MAP4: variants seen among roughly 807,000 people sequenced by gnomAD.
MAP4 encodes the protein microtubule-associated protein 4.
A neutral mutation model predicts 170.2 loss-of-function variants in MAP4; 76 were observed. The ratio of observed to expected loss-of-function variants is 0.45; its 90% CI spans 0.37 to 0.54. MAP4 has a LOEUF of 0.54. MAP4 is among the 20% of genes least tolerant of loss of function. The pLI is 0.00. For missense variants in MAP4, 2,506 were observed against 2,748.0 expected, an observed-to-expected ratio of 0.91 and a Z score of 1.97; for synonymous variants, 909 against 994.5, an observed-to-expected ratio of 0.91 and a Z score of 1.62.
intron 8 of MAP4, among the ~76,000 whole-genome samples, chr3:47,914,412 T>C (rs2100037485): frequency 6.6e-6 from 1 of 151,838 alleles, no homozygotes; most frequent in African/African-American, 2.4e-5. Context: ...TAGCCGGGCA[T>C]GGTGGCAGGC....
chr3:48,086,128 G>A (rs149303716), intron 1 of MAP4, among the ~76,000 whole-genome samples: 1 of 139,248 alleles, frequency 7.2e-6, no homozygotes, highest in African/African-American at 3.4e-5. Flanking sequence ...ATATATGTAT[G>A]TGTGTGCACG....
chr3:48,000,853 T>C (rs1032506358), intron 1 of MAP4, among the ~76,000 whole-genome samples: 6 of 152,210 alleles, frequency 3.9e-5, no homozygotes, highest in Non-Finnish European at 5.9e-5. Context: ...CTCCAACAAA[T>C]GTACTTAGGA....
At chr3:47,978,563 G>A (rs759040062) in intron 2 of MAP4, among the ~76,000 whole-genome samples, 3 of 152,000 alleles carry the variant, frequency 2.0e-5, no homozygotes, top group African/African-American at 4.8e-5. Context: ...GTGATTCACC[G>A]CCTTGGCCTC....
intron 2 of MAP4, among the ~76,000 whole-genome samples, chr3:47,988,400 T>C (rs181385229): frequency 3.3e-5 from 5 of 151,604 alleles, no homozygotes; most frequent in East Asian, 1.9e-4. Context: ...AGTTCACCCA[T>C]AACAGAAAAA....
rs114691763 is a variant in MAP4 at position 47,996,643 on chromosome 3, T to C, written c.223+1995A>G. On this transcript the variant is annotated intron_variant, in intron 2 of 20. Coordinates refer to ENST00000683076, the MANE Select transcript of MAP4 (RefSeq NM_001385682.1). Reference sequence around the variant, plus strand: ...CTAGCTCAGCTCCTGTTAAAATGACTAAACCCAAGAGACATGCCTATTTCC... The same window carrying C: ...CTAGCTCAGCTCCTGTTAAAATGACCAAACCCAAGAGACATGCCTATTTCC... Among the ~76,000 whole-genome samples, 587 of 152,098 alleles carry C rather than the reference T, an allele frequency of 3.9e-3. 4 individuals carry two copies. Among genetic ancestry groups the C allele is most frequent in the African/African-American group, 0.014 (568 of 41,464 alleles).
rs1304899280 is a variant in MAP4, at chr3:47,909,062, T to G, written c.5359A>C (p.Arg1787=). The G allele has an allele frequency of 6.2e-7, 1 of 1,613,500 alleles. No homozygotes were observed. Residue 1787 remains arginine, a synonymous_variant, in exon 9 of 21, where the codon AGA becomes CGA. Coordinates refer to ENST00000683076, the MANE Select transcript of MAP4 (RefSeq NM_001385682.1). The stretch of plus-strand genomic sequence containing the variant: ...CCAGCGGACTTCAGTTGCTTATGTC[T>G]CTCTTGTTCCTGGATTGTAGACTTT... ...LPKSTIQEQE[R]HKQLKSAVCL...
chr3:47,932,235 A>C (rs1426891684), intron 3 of MAP4, among the ~76,000 whole-genome samples: 1 of 152,226 alleles, frequency 6.6e-6, no homozygotes, highest in Non-Finnish European at 1.5e-5. Flanking sequence ...TTCAAGGTTC[A>C]TCCATGCTGT....
intron 3 of MAP4, among the ~76,000 whole-genome samples, chr3:47,943,339 C>T (rs566064711): frequency 3.3e-5 from 5 of 152,212 alleles, no homozygotes; most frequent in East Asian, 1.9e-4. Flanking sequence ...AGGCCAGATG[C>T]GGTGGCTCAT....
chr3:48,028,771 C>CAAA (rs35837534), intron 1 of MAP4, among the ~76,000 whole-genome samples: 1 of 142,158 alleles, frequency 7.0e-6, no homozygotes. Flanking sequence ...GACTCCTTCT[C>CAAA]AAAAAAAAAA....
chr3:47,860,969 T>C (rs1054731445), intron 17 of MAP4, among the ~76,000 whole-genome samples: 1 of 152,180 alleles, frequency 6.6e-6, no homozygotes, highest in African/African-American at 2.4e-5. Flanking sequence ...ACACCTGTAA[T>C]CCCAGCACTT....
At chr3:47,942,534 T>A (rs1345861872) in intron 3 of MAP4, among the ~76,000 whole-genome samples, 2 of 152,170 alleles carry the variant, frequency 1.3e-5, no homozygotes, top group African/African-American at 4.8e-5. Context: ...TAGCAGGGAC[T>A]ACAGGTACAT....
At chr3:47,861,874 C>G (rs1440497675) in intron 17 of MAP4, among the ~76,000 whole-genome samples, 10 of 147,716 alleles carry the variant, frequency 6.8e-5, no homozygotes, top group Admixed American at 6.7e-4. Flanking sequence ...CAAAACAAAA[C>G]AAAACAAAAA....
chr3:47,940,078 GCCACCCGCCTTGGCCTC>G, intron 3 of MAP4, among the ~76,000 whole-genome samples: 1 of 152,012 alleles, frequency 6.6e-6, no homozygotes, highest in Non-Finnish European at 1.5e-5. Flanking sequence ...CCTCAGGTGA[GCCACCCGCCTTGGCCTC>G]CCAAAATGCT....
intron 5 of MAP4, among the ~76,000 whole-genome samples, chr3:47,919,597 C>G (rs1034356069): frequency 6.6e-6 from 1 of 152,120 alleles, no homozygotes; most frequent in Non-Finnish European, 1.5e-5. Flanking sequence ...TGTGAGACAC[C>G]GCGCCCGGCC....
At chr3:47,963,715 C>T (rs746091603) in intron 3 of MAP4, among the ~76,000 whole-genome samples, 2 of 152,082 alleles carry the variant, frequency 1.3e-5, no homozygotes, top group African/African-American at 4.8e-5. Context: ...CAGCAGTGAC[C>T]AAAACAAAAG....
intron 10 of MAP4, among the ~76,000 whole-genome samples, chr3:47,887,373 T>C (rs577699694): frequency 6.6e-6 from 1 of 152,344 alleles, no homozygotes; most frequent in East Asian, 1.9e-4. Context: ...GAGGGTGTAC[T>C]GAGTCCCCCA....
chr3:47,897,959 AAAAG>A (rs1270544471), intron 10 of MAP4, among the ~76,000 whole-genome samples: 3 of 151,794 alleles, frequency 2.0e-5, no homozygotes, highest in Middle Eastern at 3.2e-3. Flanking sequence ...GGAAAAAAAA[AAAAG>A]AAAGAATGGT....
At chr3:47,946,153 C>T (rs1181107954) in intron 3 of MAP4, among the ~76,000 whole-genome samples, 32 of 150,172 alleles carry the variant, frequency 2.1e-4, no homozygotes, top group Admixed American at 1.5e-3. Flanking sequence ...CCATGTTAGC[C>T]AGGATGGTCT....
In MAP4 at chr3:47,910,679, C is replaced by T. The variant is rs1425545542; in HGVS notation, c.3742G>A (p.Gly1248Arg). The change falls in exon 9 of 21, where the codon GGA (glycine) becomes AGA (arginine). Residue 1248 changes from glycine (G) to arginine (R), a missense_variant. By Grantham distance (125) the Gly-to-Arg change is moderately radical. This residue lies in a region of MAP4 where 2,008 missense variants were observed against 2,206.0 expected (regional missense o/e 0.91). Transcript: ENST00000683076. The part of the protein sequence containing the change: ...ILNPPFEGKD[G>R]DTGSIPHKSK... ...TTATGGGGAATACTACCAGTATCTC[C>T]ATCCTTCCCTTCAAAAGGTGGGTTA... 7 of 1,536,088 alleles carry T rather than the reference C, an allele frequency of 4.6e-6. No individual in the cohort carries two copies. Among genetic ancestry groups the T allele is most frequent in the Admixed American group, 2.0e-5 (1 of 50,996 alleles).
Sources: allele counts gnomAD v4.1 joint callset (sites outside exome capture counted in the v4.1 genomes callset), GRCh38; gene constraint gnomAD v4.1.1; regional missense constraint gnomAD v4.1.1; transcripts MANE v1.5; gene names NCBI Gene and HGNC (gene_info 2026-07-23, HGNC 2026-07-21).